Variants in RGPD8 observed in about 807,000 individuals in gnomAD.
RGPD8 encodes the protein RANBP2 like and GRIP domain containing 8, also known as RANBP2-like and GRIP domain-containing protein 8.
Under a neutral mutation model 89.1 loss-of-function variants are expected in RGPD8, and 15 were observed. The ratio of observed to expected loss-of-function variants is 0.17; its 90% confidence interval spans 0.11 to 0.26. The LOEUF (loss-of-function observed/expected upper bound fraction) is 0.26. RGPD8 is among the 10% of genes least tolerant of loss of function. The pLI, the probability that RGPD8 is intolerant of heterozygous loss-of-function variation, is 1.00. For missense variants in RGPD8, 178 were observed against 1,179.6 expected, an observed-to-expected ratio of 0.15 and a Z score of 12.44; for synonymous variants, 62 against 420.9, an observed-to-expected ratio of 0.15 and a Z score of 10.44.
At chr2:112,422,472 T>G in intron 3 of RGPD8, 76 bp downstream of exon 3, 1 of 1,565,528 alleles carries the variant, frequency 6.4e-7, no homozygotes, top group Non-Finnish European at 8.7e-7. Flanking sequence ...AAAATATATT[T>G]GACTTACTTA....
chr2:112,433,454 C>G lies in RGPD8; in HGVS notation c.-1G>C. On this transcript the variant is annotated 5_prime_UTR_variant, in exon 1 of 23. Transcript: ENST00000302558. ...CCACATCGGCCTTGCTGCGCCTCAT[C>G]GCGCCGCCAACCTGGCTCCCGAGAC... 2 of 1,607,966 alleles carry G rather than the reference C, an allele frequency of 1.2e-6. No homozygotes were observed. The highest frequency in any genetic ancestry group is 3.3e-5 in the Admixed American group (2 of 59,762).
At chr2:112,426,670 A>G (rs1386398446) in intron 1 of RGPD8, among the ~76,000 whole-genome samples, 1 of 151,466 alleles carries the variant, frequency 6.6e-6, no homozygotes, top group Non-Finnish European at 1.5e-5. Flanking sequence ...CTTAAATTAC[A>G]AAACCTTGCT....
intron 4 of RGPD8, among the ~76,000 whole-genome samples, chr2:112,419,587 C>T (rs1331748789): frequency 6.6e-6 from 1 of 152,246 alleles, no homozygotes; most frequent in Non-Finnish European, 1.5e-5. Flanking sequence ...TCATGGATTT[C>T]AATTCCAAAA....
intron 1 of RGPD8, among the ~76,000 whole-genome samples, chr2:112,424,694 C>T (rs1679691239): frequency 6.6e-6 from 1 of 151,902 alleles, no homozygotes; most frequent in Non-Finnish European, 1.5e-5. Context: ...TGAGATCGTG[C>T]CATTGCACTC....
chr2:112,432,874 G>T (rs1472934829), intron 1 of RGPD8, among the ~76,000 whole-genome samples: 1 of 152,234 alleles, frequency 6.6e-6, no homozygotes, highest in African/African-American at 2.4e-5. Context: ...ACAGGACTGC[G>T]CTAGCCGGCC....
chr2:112,387,763 TAC>T (rs1678513711), intron 20 of RGPD8, among the ~76,000 whole-genome samples: 1 of 145,860 alleles, frequency 6.9e-6, no homozygotes, highest in African/African-American at 2.5e-5. Context: ...CATGACTCCG[TAC>T]ACTGTACCAA....
intron 20 of RGPD8, among the ~76,000 whole-genome samples, chr2:112,381,928 A>G (rs1678315995): frequency 6.6e-6 from 1 of 152,306 alleles, no homozygotes. Context: ...TAAAGGATGC[A>G]AAGTATTAAT....
intron 21 of RGPD8, among the ~76,000 whole-genome samples, chr2:112,379,606 A>G (rs1297627903): frequency 1.7e-5 from 2 of 116,174 alleles, no homozygotes; most frequent in Non-Finnish European, 3.9e-5. Context: ...AAAAAAAAAC[A>G]AGAAAATATA....
chr2:112,427,713 A>T (rs1301279533), intron 1 of RGPD8, among the ~76,000 whole-genome samples: 1 of 152,220 alleles, frequency 6.6e-6, no homozygotes, highest in African/African-American at 2.4e-5. Context: ...AGTCAAATGA[A>T]TCTCCCTCCC....
At position 112,379,592 on chromosome 2, in the gene RGPD8, C is replaced by CA. The variant is rs768387321; in HGVS notation, c.5061+1231dup. 3.7e-3 allele frequency among the ~76,000 whole-genome samples: 395 copies of CA among 106,846 alleles called. 64 individuals are homozygous for CA. Among genetic ancestry groups the CA allele is most frequent in the Admixed American group, 5.5e-3 (58 of 10,572 alleles). 70.1% of individuals were successfully genotyped at this position (106,846 alleles called of 152,430 possible). On this transcript the variant is annotated intron_variant, in intron 21 of 22. Transcript: ENST00000302558. ...ACCTGGTGACAGAGCGAGACTATCTCAAAAAAAAAAAACAAGAAAATATAA... is the reference window on the plus strand; with the variant it reads ...ACCTGGTGACAGAGCGAGACTATCTCAAAAAAAAAAAAACAAGAAAATATAA...
At chr2:112,419,559 G>T (rs1274935785) in intron 4 of RGPD8, among the ~76,000 whole-genome samples, 2 of 152,104 alleles carry the variant, frequency 1.3e-5, no homozygotes, top group Admixed American at 6.5e-5. Flanking sequence ...GAATTACTTT[G>T]CATGACAGTT....
At chr2:112,430,545 G>A (rs1338569817) in intron 1 of RGPD8, among the ~76,000 whole-genome samples, 3 of 151,870 alleles carry the variant, frequency 2.0e-5, no homozygotes, top group East Asian at 3.9e-4. Flanking sequence ...GAGAAGTTAT[G>A]TAGTTGAAAG....
At chr2:112,429,988 A>G (rs529697802) in intron 1 of RGPD8, among the ~76,000 whole-genome samples, 1 of 152,226 alleles carries the variant, frequency 6.6e-6, no homozygotes, top group African/African-American at 2.4e-5. Flanking sequence ...TGTATTTTTA[A>G]TAGAGACAGA....
intron 1 of RGPD8, among the ~76,000 whole-genome samples, chr2:112,428,112 A>C (rs1679857812): frequency 6.6e-6 from 1 of 152,306 alleles, no homozygotes; most frequent in South Asian, 2.1e-4. Flanking sequence ...GGGACTCCTA[A>C]CAACAGAACT....
intron 7 of RGPD8, among the ~76,000 whole-genome samples, chr2:112,409,647 A>G (rs1346010661): frequency 1.4e-5 from 2 of 146,884 alleles, no homozygotes; most frequent in African/African-American, 2.7e-5. Context: ...CAAAAAATTT[A>G]ACAATGTAGC....
chr2:112,433,596 G>A lies in RGPD8; in HGVS notation c.-143C>T, dbSNP rs543203084. 4.7e-5 allele frequency: 40 copies of A among 847,272 alleles called. No homozygotes were observed. Among genetic ancestry groups the A allele is most frequent in the Admixed American group, 4.4e-4 (16 of 36,332 alleles). The allele number at this position is 847,272 out of a possible 1,614,324, so 52.5% of individuals were successfully genotyped here. A position where few individuals can be genotyped will look rare whatever the true frequency, so the allele number is the denominator to read the frequency against. On this transcript the variant is annotated 5_prime_UTR_variant, in exon 1 of 23. Coordinates refer to ENST00000302558, the MANE Select transcript of RGPD8 (RefSeq NM_001164463.1). ...CCCACTGTGACGAGCGTGCGGCGCC[G>A]CCCACGGAGGCCCACTGTGACGAAC... is the stretch of plus-strand genomic sequence containing the variant.
chr2:112,402,475 G>C, intron 9 of RGPD8, among the ~76,000 whole-genome samples: 1 of 120,322 alleles, frequency 8.3e-6, no homozygotes, highest in African/African-American at 3.3e-5. Flanking sequence ...GGGTGACAGA[G>C]CGAGACTCTG....
chr2:112,424,514 G>GT (rs1185511407), intron 1 of RGPD8, among the ~76,000 whole-genome samples: 1 of 152,084 alleles, frequency 6.6e-6, no homozygotes, highest in Non-Finnish European at 1.5e-5. Context: ...GAGGTCAGGA[G>GT]TTTGAGACCA....
At chr2:112,384,421 TTGAG>T (rs1678380598) in intron 20 of RGPD8, 1 of 174,480 alleles carries the variant, frequency 5.7e-6, no homozygotes, top group Non-Finnish European at 9.1e-6. Flanking sequence ...TCAGTGCCGC[TTGAG>T]TGTTTCTAAG....
Sources: allele counts gnomAD v4.1 joint callset (sites outside exome capture counted in the v4.1 genomes callset), GRCh38; gene constraint gnomAD v4.1.1; transcripts MANE v1.5; gene names NCBI Gene and HGNC (gene_info 2026-07-23, HGNC 2026-07-21).